The following MYOM1 variants were observed in gnomAD, a reference collection of about 807,000 sequenced individuals.
The protein encoded by MYOM1 is myomesin 1.
MYOM1 carries 164 observed loss-of-function variants against 205.3 expected under a neutral mutation model. The observed-to-expected ratio is 0.80, with a 90% CI of 0.70 to 0.91. MYOM1 has a LOEUF of 0.91. Among genes scored for constraint, MYOM1 ranks in the 40% least tolerant of loss-of-function variants. The pLI is 0.00. For synonymous variants in MYOM1, 772 were observed against 789.4 expected (o/e 0.98, Z 0.37); for missense variants, 2,011 against 2,127.3 (o/e 0.95, Z 1.08).
At position 3,215,058 on chromosome 18, in the gene MYOM1, G is replaced by T. The variant is rs778755647; in HGVS notation, c.166C>A (p.Arg56=). The T allele has an allele frequency of 1.9e-6, 3 of 1,613,394 alleles. No homozygotes were observed. The highest frequency in any genetic ancestry group is 2.5e-6 in the Non-Finnish European group (3 of 1,179,766). ...YSSRSSAAHR[R]ESEAFRRASA... ...GCCCGACGGAAGGCCTCGGACTCCC[G>T]GCGGTGCGCGGCGGAGGAGCGGCTG... Residue 56 remains arginine, a synonymous_variant, in exon 2 of 38, where the codon CGG becomes AGG. Transcript: ENST00000356443.
At chr18:3,143,337 T>TA (rs2080079626) in intron 13 of MYOM1, among the ~76,000 whole-genome samples, 1 of 151,892 alleles carries the variant, frequency 6.6e-6, no homozygotes, top group African/African-American at 2.4e-5. Flanking sequence ...TAACAAAAGA[T>TA]AAAATACCTG....
At chr18:3,204,125 C>T (rs868626561) in intron 2 of MYOM1, among the ~76,000 whole-genome samples, 4 of 151,350 alleles carry the variant, frequency 2.6e-5, no homozygotes, top group Admixed American at 6.6e-5. Flanking sequence ...AGGCCATCTA[C>T]GAAAAATCTA....
At position 3,189,625 on chromosome 18, in the gene MYOM1, G is replaced by T. The variant is rs539278776; in HGVS notation, c.432-538C>A. Among the ~76,000 whole-genome samples, 6 of 152,336 alleles carry T rather than the reference G, an allele frequency of 3.9e-5. No homozygotes were observed. Among genetic ancestry groups the T allele is most frequent in the Admixed American group, 1.3e-4 (2 of 15,304 alleles). Reference sequence around the variant, plus strand: ...TCCACCAGCCTTGGCCTCCCAAAGTGCTGGGATTACAGGCATGATCCACCG... The same window carrying T: ...TCCACCAGCCTTGGCCTCCCAAAGTTCTGGGATTACAGGCATGATCCACCG... On this transcript the variant is annotated intron_variant, in intron 3 of 37. Coordinates refer to ENST00000356443, the MANE Select transcript of MYOM1 (RefSeq NM_003803.4). The surrounding 1 kb of genome is among the most constrained non-coding windows in gnomAD (Gnocchi z 4.8).
chr18:3,082,051 G>A (rs1908154098), intron 33 of MYOM1, among the ~76,000 whole-genome samples: 1 of 152,188 alleles, frequency 6.6e-6, no homozygotes, highest in Non-Finnish European at 1.5e-5. Flanking sequence ...ATTCTTATAA[G>A]GAGCGCACAA....
intron 11 of MYOM1, among the ~76,000 whole-genome samples, chr18:3,153,053 C>T (rs1162830097): frequency 5.3e-5 from 8 of 151,082 alleles, no homozygotes; most frequent in Admixed American, 5.3e-4. Flanking sequence ...CTGATAGGGC[C>T]AGGACAATTC....
rs2230162 is a variant in MYOM1, at chr18:3,176,065, C to T, written c.999G>A (p.Gly333=). The change falls in exon 6 of 38, where the codon GGG becomes GGA. Residue 333 remains glycine, a synonymous_variant. Coordinates refer to ENST00000356443, the MANE Select transcript of MYOM1 (RefSeq NM_003803.4). ...ACCCATTAATCTCCAGAGTGTGCAT[C>T]CCATATCGACTCTCAATAATATACT... is the stretch of plus-strand genomic sequence containing the variant. ...PGKYIIESRY[G]MHTLEINGCD... is the part of the protein sequence containing the mutation. 485,115 of 1,590,008 alleles carry T rather than the reference C, an allele frequency of 0.31. 75,850 individuals are homozygous for T. The highest frequency in any genetic ancestry group is 0.31 in the Non-Finnish European group (363,694 of 1,159,856).
chr18:3,068,931 T>TA lies in MYOM1; in HGVS notation c.4765-1377_4765-1376insT, dbSNP rs367630576. ...AAATGCATGTTTCATTTTTTCTTTA[T>TA]TTTTTTTAATTAAAAAAATAGAGAA... On this transcript the variant is annotated intron_variant, in intron 37 of 37. Coordinates refer to ENST00000356443, the MANE Select transcript of MYOM1 (RefSeq NM_003803.4). Among the ~76,000 whole-genome samples the TA allele has an allele frequency of 4.1e-3, 626 of 152,088 alleles. 4 individuals are homozygous for TA. The highest frequency in any genetic ancestry group is 0.015 in the African/African-American group (605 of 41,492).
chr18:3,154,611 C>T (rs1191840407), intron 11 of MYOM1, among the ~76,000 whole-genome samples: 2 of 101,454 alleles, frequency 2.0e-5, no homozygotes, highest in African/African-American at 4.4e-5. Context: ...TAAGTACCTA[C>T]TCAATACACA....
At chr18:3,230,416 C>A in the MYOM1 span, among the ~76,000 whole-genome samples, 1 of 152,218 alleles carries the variant, frequency 6.6e-6, no homozygotes, top group Non-Finnish European at 1.5e-5. Flanking sequence ...ACATTTGCAA[C>A]CTCCCGTTTT....
Position 3,209,933 on chromosome 18 carries a change from C to CT in MYOM1, c.290+5000dup, listed in dbSNP as rs1490296546. Among the ~76,000 whole-genome samples, 3 of 152,168 alleles carry CT rather than the reference C, an allele frequency of 2.0e-5. No individual in the cohort carries two copies. The highest frequency in any genetic ancestry group is 4.4e-5 in the Non-Finnish European group (3 of 68,028). ...GTGCTTGGTAATTTATCCCAAGCAC[C>CT]TAGAGCAGTGCTTAGCGCTCAGTAA... is the stretch of plus-strand genomic sequence containing the variant. On this transcript the variant is annotated intron_variant, in intron 2 of 37. Transcript: ENST00000356443. This position sits in a 1 kb window ranked among gnomAD's most constrained non-coding sequence, Gnocchi z 4.0.
chr18:3,229,696 G>A, the MYOM1 span, among the ~76,000 whole-genome samples: 5 of 152,086 alleles, frequency 3.3e-5, no homozygotes, highest in Non-Finnish European at 5.9e-5. Flanking sequence ...GTGGCCGGGC[G>A]CGGTGGCTCA....
At chr18:3,155,513 C>T (rs551863034) in intron 10 of MYOM1, among the ~76,000 whole-genome samples, 7 of 152,296 alleles carry the variant, frequency 4.6e-5, no homozygotes, top group South Asian at 2.1e-4. Flanking sequence ...CGTGAGCCAT[C>T]ACACCCGGCC....
chr18:3,140,786 A>G (rs1439461306), intron 14 of MYOM1, among the ~76,000 whole-genome samples: 1 of 152,202 alleles, frequency 6.6e-6, no homozygotes, highest in Non-Finnish European at 1.5e-5. Flanking sequence ...AAATTAACTG[A>G]ACACCATATT....
intron 34 of MYOM1, 75 bp from the exon 35 acceptor site, chr18:3,075,836 A>C: frequency 2.3e-6 from 3 of 1,317,932 alleles, no homozygotes; most frequent in Non-Finnish European, 3.2e-6. Flanking sequence ...AAAATTCACA[A>C]CTGGAGATTG....
intron 19 of MYOM1, among the ~76,000 whole-genome samples, chr18:3,121,651 G>A (rs1215683540): frequency 6.6e-6 from 1 of 152,136 alleles, no homozygotes; most frequent in Non-Finnish European, 1.5e-5. Flanking sequence ...AAGTTTTTAA[G>A]GCCCTTCTGT....
At chr18:3,139,990 G>T (rs2080025301) in intron 14 of MYOM1, among the ~76,000 whole-genome samples, 1 of 152,162 alleles carries the variant, frequency 6.6e-6, no homozygotes, top group Non-Finnish European at 1.5e-5. Flanking sequence ...CTGTCACAGA[G>T]GTTATTCAGA....
Position 3,135,593 on chromosome 18 carries a change from A to G in MYOM1, c.2163T>C (p.Gly721=), listed in dbSNP as rs1296332273. Residue 721 remains glycine, a synonymous_variant, in exon 15 of 38, where the codon GGT becomes GGC. Coordinates refer to ENST00000356443, the MANE Select transcript of MYOM1 (RefSeq NM_003803.4). This position sits in a 1 kb window ranked among gnomAD's most constrained non-coding sequence, Gnocchi z 4.1. ...RVRCSNSAGV[G]EPSEATEVTV... ...TCACCTCCGTTGCCTCTGAGGGCTC[A>G]CCAACTCCTGCAGAATTAGAACAGC... is the stretch of plus-strand genomic sequence containing the variant. 1 of 1,613,838 alleles carries G rather than the reference A, an allele frequency of 6.2e-7. No homozygotes were observed. Among genetic ancestry groups the G allele is most frequent in the Admixed American group, 1.7e-5 (1 of 59,988 alleles).
chr18:3,102,529 C>G lies in MYOM1; in HGVS notation c.3520G>C (p.Asp1174His). ...TPKSEFSWSKDYVSTEDSPRL... is the reference protein window; with the variant it reads ...TPKSEFSWSKHYVSTEDSPRL... Reference sequence around the variant, plus strand: ...GGAGAGTCCTCAGTGGATACATAATCTTTGGACCAGGAGAACTCGGACTTT... The same window carrying G: ...GGAGAGTCCTCAGTGGATACATAATGTTTGGACCAGGAGAACTCGGACTTT... The change falls in exon 23 of 38, where the codon GAT becomes CAT. Residue 1174 changes from aspartate (D) to histidine (H), a missense_variant. By Grantham distance (81) the Asp-to-His change is moderately conservative. Coordinates refer to ENST00000356443, the MANE Select transcript of MYOM1 (RefSeq NM_003803.4). 1 of 1,613,880 alleles carries G rather than the reference C, an allele frequency of 6.2e-7. No individual in the cohort carries two copies. Among genetic ancestry groups the G allele is most frequent in the South Asian group, 1.1e-5 (1 of 91,078 alleles).
Position 3,135,076 on chromosome 18 carries a change from G to T in MYOM1, c.2210-252C>A. 2.4e-6 allele frequency: 1 copy of T among 421,656 alleles called. No homozygotes were observed. Among genetic ancestry groups the T allele is most frequent in the Non-Finnish European group, 4.4e-6 (1 of 229,778 alleles). The allele number at this position is 421,656 out of a possible 1,614,324, so 26.1% of individuals were successfully genotyped here. On this transcript the variant is annotated intron_variant, in intron 15 of 37. Coordinates refer to ENST00000356443, the MANE Select transcript of MYOM1 (RefSeq NM_003803.4). The surrounding 1 kb of genome is among the most constrained non-coding windows in gnomAD (Gnocchi z 4.1). The stretch of plus-strand genomic sequence containing the variant: ...CAATTTTCCCACCTCAGCCTCCTGA[G>T]TAGCTGGAATTACCAGGCATGTGCC...
Sources: gnomAD v4.1 joint callset for allele counts (sites outside exome capture counted in the v4.1 genomes callset) on GRCh38, gnomAD v4.1.1 for gene constraint, Gnocchi (gnomAD v3.1) non-coding constraint, MANE v1.5 for transcripts, NCBI Gene and HGNC (gene_info 2026-07-23, HGNC 2026-07-21) for gene names.